The following PDE4B variants were observed in gnomAD, a reference collection of about 807,000 sequenced individuals.
PDE4B encodes the protein phosphodiesterase 4B.
In PDE4B, 20 loss-of-function variants were observed where a neutral mutation model predicts 82.2. The observed-to-expected ratio is 0.24, with a 90% CI of 0.17 to 0.35. The LOEUF is 0.35. PDE4B is among the 10% of genes least tolerant of loss of function. The pLI is 1.00. For missense variants in PDE4B, 655 were observed against 907.2 expected, an observed-to-expected ratio of 0.72 and a Z score of 3.57; for synonymous variants, 320 against 318.9, an observed-to-expected ratio of 1.00 and a Z score of -0.04.
intron 9 of PDE4B, among the ~76,000 whole-genome samples, chr1:66,358,945 A>C (rs889320675): frequency 3.3e-5 from 5 of 152,212 alleles, no homozygotes; most frequent in Non-Finnish European, 7.3e-5. Flanking sequence ...GGCAGGCAGT[A>C]GACTATATTT....
rs1168144080 is a variant in PDE4B at position 66,162,305 on chromosome 1, C to CTTTTTTTT, written c.282-85134_282-85127dup. Among the ~76,000 whole-genome samples, 303 of 40,288 alleles carry CTTTTTTTT rather than the reference C, an allele frequency of 7.5e-3. 49 individuals are homozygous for CTTTTTTTT. Among genetic ancestry groups the CTTTTTTTT allele is most frequent in the East Asian group, 0.011 (12 of 1,132 alleles). 26.4% of individuals were successfully genotyped at this position (40,288 alleles called of 152,430 possible). ...TTGGTGGTAAGGTTCATGGACTTCTCTTTTTTTTTTTTTTTTTTTTTTTTT... is the reference window on the plus strand; with the variant it reads ...TTGGTGGTAAGGTTCATGGACTTCTCTTTTTTTTTTTTTTTTTTTTTTTTTTTTTTTTT... On this transcript the variant is annotated intron_variant, in intron 3 of 16. Transcript: ENST00000341517.
At chr1:66,058,947 T>C (rs959081809) in intron 3 of PDE4B, among the ~76,000 whole-genome samples, 23 of 152,250 alleles carry the variant, frequency 1.5e-4, no homozygotes, top group Non-Finnish European at 1.0e-4. Flanking sequence ...GGATTTTCTT[T>C]TCTATCACAT....
At chr1:65,941,295 C>A (rs1043681605) in intron 3 of PDE4B, among the ~76,000 whole-genome samples, 1 of 152,034 alleles carries the variant, frequency 6.6e-6, no homozygotes, top group Non-Finnish European at 1.5e-5. Flanking sequence ...GATCCTGGGA[C>A]AGCTTCGCTC....
chr1:66,048,986 C>T (rs1654869476), intron 3 of PDE4B: 1 of 151,994 alleles, frequency 6.6e-6, no homozygotes, highest in Admixed American at 6.6e-5. Context: ...AATCTATCTA[C>T]TATGATTTAT....
At chr1:66,314,052 T>C (rs1432468735) in intron 7 of PDE4B, among the ~76,000 whole-genome samples, 83 of 152,210 alleles carry the variant, frequency 5.5e-4, no homozygotes, top group Admixed American at 5.4e-3. Flanking sequence ...ATTGTCACCC[T>C]TTGTGATGAT....
intron 3 of PDE4B, among the ~76,000 whole-genome samples, chr1:65,980,939 G>A (rs1056415681): frequency 6.6e-6 from 1 of 152,076 alleles, no homozygotes; most frequent in Non-Finnish European, 1.5e-5. Flanking sequence ...TAAAATAAAA[G>A]AAATTTATTG....
intron 7 of PDE4B, among the ~76,000 whole-genome samples, chr1:66,293,244 T>A (rs1477834665): frequency 2.0e-5 from 3 of 152,184 alleles, no homozygotes; most frequent in African/African-American, 4.8e-5. Flanking sequence ...TCTCCTCACG[T>A]GCAGCAGTCA....
intron 6 of PDE4B, among the ~76,000 whole-genome samples, chr1:66,262,170 G>A (rs1473864921): frequency 6.6e-6 from 1 of 152,164 alleles, no homozygotes; most frequent in Non-Finnish European, 1.5e-5. Flanking sequence ...TTTTATTGCT[G>A]TATGTACTTT....
intron 3 of PDE4B, among the ~76,000 whole-genome samples, chr1:65,937,930 T>A (rs1648245580): frequency 6.6e-6 from 1 of 152,218 alleles, no homozygotes; most frequent in Non-Finnish European, 1.5e-5. Context: ...ACGTCCATTC[T>A]GTCCCCTACT....
chr1:65,907,416 C>G (rs1171255677), intron 1 of PDE4B, among the ~76,000 whole-genome samples: 1 of 150,446 alleles, frequency 6.6e-6, no homozygotes, highest in African/African-American at 2.4e-5. Flanking sequence ...GATGATTATA[C>G]TCCAATCCCT....
rs115903777 is a variant in PDE4B, at chr1:66,120,181, A to C, written c.282-127279A>C. Among the ~76,000 whole-genome samples the C allele has an allele frequency of 8.1e-3, 1,236 of 152,262 alleles. 21 individuals carry two copies. The highest frequency in any genetic ancestry group is 0.029 in the African/African-American group (1,204 of 41,540). ...CAAATGTCAGCTCCTTGTTTCCAAA[A>C]TGAGGGAACTAGATAACATGATCTC... On this transcript the variant is annotated intron_variant, in intron 3 of 16. Coordinates refer to ENST00000341517, the MANE Select transcript of PDE4B (RefSeq NM_002600.4).
intron 3 of PDE4B, among the ~76,000 whole-genome samples, chr1:66,055,409 A>G (rs1655244384): frequency 6.6e-6 from 1 of 152,258 alleles, no homozygotes; most frequent in Admixed American, 6.5e-5. Context: ...TAGATAAAGG[A>G]TTAATAAAAT....
chr1:66,076,702 A>G (rs1656455871), intron 3 of PDE4B, among the ~76,000 whole-genome samples: 1 of 152,166 alleles, frequency 6.6e-6, no homozygotes, highest in African/African-American at 2.4e-5. Context: ...AACAAAGACC[A>G]TTCTGAGCAG....
At chr1:66,021,050 A>C (rs1326027938) in intron 3 of PDE4B, among the ~76,000 whole-genome samples, 1 of 152,048 alleles carries the variant, frequency 6.6e-6, no homozygotes, top group Non-Finnish European at 1.5e-5. Flanking sequence ...TTTGATTTGC[A>C]TTTCTCTGAT....
intron 3 of PDE4B, among the ~76,000 whole-genome samples, chr1:66,117,076 T>A (rs1645610764): frequency 6.6e-6 from 1 of 152,212 alleles, no homozygotes; most frequent in Non-Finnish European, 1.5e-5. Context: ...TTTTATTTTT[T>A]AAATATCTAA....
At chr1:66,212,826 G>T (rs1280789851) in intron 3 of PDE4B, among the ~76,000 whole-genome samples, 1 of 152,146 alleles carries the variant, frequency 6.6e-6, no homozygotes, top group Non-Finnish European at 1.5e-5. Context: ...CAATAACAAG[G>T]ATAAAGTGGA....
rs552770518 is a variant in PDE4B at position 66,135,775 on chromosome 1, G to A, written c.282-111685G>A. 9.1e-4 allele frequency among the ~76,000 whole-genome samples: 138 copies of A among 152,202 alleles called. 1 individual carries two copies. Among genetic ancestry groups the A allele is most frequent in the African/African-American group, 3.2e-3 (132 of 41,540 alleles). ...GAGAGACTGCAACCATAGAAGTCTC[G>A]TGGTCAATTTTTGCTCTCCAATACT... On this transcript the variant is annotated intron_variant, in intron 3 of 16. Coordinates refer to ENST00000341517, the MANE Select transcript of PDE4B (RefSeq NM_002600.4).
intron 3 of PDE4B, among the ~76,000 whole-genome samples, chr1:66,220,968 A>G (rs528901322): frequency 4.5e-4 from 69 of 152,300 alleles, no homozygotes; most frequent in African/African-American, 1.6e-3. Context: ...CAATAACAAT[A>G]TTTATATAAC....
At chr1:66,065,258 G>A (rs1181513674) in intron 3 of PDE4B, among the ~76,000 whole-genome samples, 1 of 151,752 alleles carries the variant, frequency 6.6e-6, no homozygotes. Context: ...TTCATTCATG[G>A]AGCTAAATAT....
Sources: allele counts gnomAD v4.1 joint callset (sites outside exome capture counted in the v4.1 genomes callset), GRCh38; gene constraint gnomAD v4.1.1; transcripts MANE v1.5; gene names NCBI Gene and HGNC (gene_info 2026-07-23, HGNC 2026-07-21).